The following NRG1 variants were observed in gnomAD, a reference collection of about 807,000 sequenced individuals.
NRG1 encodes neuregulin 1, also known as pro-neuregulin-1, membrane-bound isoform.
Under a neutral mutation model 63.8 loss-of-function variants are expected in NRG1, and 18 were observed. The observed-to-expected ratio is 0.28, with a 90% CI of 0.19 to 0.42. The LOEUF is 0.42. Ranked by LOEUF, NRG1 falls within the 10% of genes least tolerant of loss-of-function variation. The pLI, the probability that NRG1 is intolerant of heterozygous loss-of-function variation, is 1.00. For missense variants in NRG1, 762 were observed against 814.7 expected, an observed-to-expected ratio of 0.94 and a Z score of 0.79; for synonymous variants, 302 against 301.3, an observed-to-expected ratio of 1.00 and a Z score of -0.02.
intron 1 of NRG1, among the ~76,000 whole-genome samples, chr8:31,875,584 G>A (rs1043272915): frequency 2.0e-5 from 3 of 152,158 alleles, no homozygotes; most frequent in Non-Finnish European, 4.4e-5. Context: ...GATGCCTTCA[G>A]TGGGTTCTCT....
At chr8:32,139,895 G>A (rs1289861961) in intron 1 of NRG1, among the ~76,000 whole-genome samples, 2 of 152,186 alleles carry the variant, frequency 1.3e-5, no homozygotes, top group Non-Finnish European at 2.9e-5. Flanking sequence ...TCTGAAAGAG[G>A]TTCCTAATTA....
intron 7 of NRG1, among the ~76,000 whole-genome samples, chr8:32,746,055 G>A (rs1827370692): frequency 6.6e-6 from 1 of 152,096 alleles, no homozygotes; most frequent in Admixed American, 6.6e-5. Flanking sequence ...AAGTAGAATA[G>A]AGGAACACTT....
intron 5 of NRG1, among the ~76,000 whole-genome samples, chr8:32,656,450 GC>G (rs1207800510): frequency 6.6e-6 from 1 of 152,146 alleles, no homozygotes; most frequent in African/African-American, 2.4e-5. Context: ...AAGGGAAGAA[GC>G]CAGTGCTGTT....
At chr8:32,763,776 C>T (rs766253547) in exon 12 of NRG1, 46 of 1,565,570 alleles carry the variant, frequency 2.9e-5, no homozygotes, top group South Asian at 3.6e-5. Flanking sequence ...CACCCCGGCT[C>T]GTATGTCACC....
intron 1 of NRG1, among the ~76,000 whole-genome samples, chr8:31,937,915 G>C (rs1244014053): frequency 3.9e-5 from 6 of 152,140 alleles, no homozygotes; most frequent in African/African-American, 7.2e-5. Context: ...GCCTCCACCT[G>C]GTGGTCTTTC....
chr8:32,603,682 G>T (rs1208338823), intron 2 of NRG1, among the ~76,000 whole-genome samples: 1 of 152,052 alleles, frequency 6.6e-6, no homozygotes, highest in Non-Finnish European at 1.5e-5. Context: ...TCACTATTTT[G>T]GCCAGGCTTG....
intron 5 of NRG1, among the ~76,000 whole-genome samples, chr8:32,652,573 A>G (rs1489227246): frequency 5.3e-5 from 8 of 151,440 alleles, no homozygotes; most frequent in Admixed American, 5.3e-4. Flanking sequence ...TCAGTATTTC[A>G]TTGCATCATA....
At chr8:31,916,197 AT>A (rs1438141524) in intron 1 of NRG1, among the ~76,000 whole-genome samples, 2 of 151,758 alleles carry the variant, frequency 1.3e-5, no homozygotes, top group African/African-American at 4.8e-5. Context: ...ATTTTAGACC[AT>A]TTTTTTCATT....
intron 1 of NRG1, among the ~76,000 whole-genome samples, chr8:32,243,673 T>A (rs1848341478): frequency 6.6e-6 from 1 of 152,108 alleles, no homozygotes; most frequent in Non-Finnish European, 1.5e-5. Flanking sequence ...TGGACTAAAC[T>A]TTTGTATGCC....
At chr8:32,368,191 T>G (rs1338362820) in intron 1 of NRG1, among the ~76,000 whole-genome samples, 1 of 152,228 alleles carries the variant, frequency 6.6e-6, no homozygotes, top group East Asian at 1.9e-4. Flanking sequence ...AAAGTTTATA[T>G]TAGCTTACTA....
chr8:32,487,846 A>T (rs1015908183), intron 1 of NRG1, among the ~76,000 whole-genome samples: 1 of 152,204 alleles, frequency 6.6e-6, no homozygotes, highest in Non-Finnish European at 1.5e-5. Flanking sequence ...CGGAGTCAGA[A>T]CTAAGAATGC....
chr8:32,231,376 T>A (rs1314892585), intron 1 of NRG1, among the ~76,000 whole-genome samples: 1 of 152,158 alleles, frequency 6.6e-6, no homozygotes, highest in Non-Finnish European at 1.5e-5. Context: ...ATGTATTTTG[T>A]TAATTGATAG....
chr8:31,667,686 T>C (rs1806693304), intron 1 of NRG1, among the ~76,000 whole-genome samples: 2 of 152,130 alleles, frequency 1.3e-5, no homozygotes. Flanking sequence ...TGTCTGCCAT[T>C]TCAGAGACTC....
At chr8:31,947,168 C>T (rs1243328862) in intron 1 of NRG1, among the ~76,000 whole-genome samples, 2 of 151,580 alleles carry the variant, frequency 1.3e-5, no homozygotes, top group East Asian at 1.9e-4. Context: ...GGCGCGGTGG[C>T]GGGCGCCTGT....
At chr8:32,187,280 C>T (rs534862056) in intron 1 of NRG1, among the ~76,000 whole-genome samples, 3 of 152,192 alleles carry the variant, frequency 2.0e-5, no homozygotes, top group South Asian at 4.2e-4. Flanking sequence ...TTTGCCTGCC[C>T]ACCAATGCTG....
chr8:32,009,507 A>C (rs1447810590), intron 1 of NRG1, among the ~76,000 whole-genome samples: 1 of 152,022 alleles, frequency 6.6e-6, no homozygotes, highest in African/African-American at 2.4e-5. Context: ...GGAAATAAAT[A>C]AGTATATAAT....
chr8:32,443,677 C>T (rs1333222640), intron 1 of NRG1, among the ~76,000 whole-genome samples: 1 of 152,162 alleles, frequency 6.6e-6, no homozygotes, highest in Non-Finnish European at 1.5e-5. Context: ...GGCTGATGTG[C>T]ATTTTTCTCC....
intron 1 of NRG1, among the ~76,000 whole-genome samples, chr8:31,896,564 C>T (rs73578539): frequency 0.034 from 5,099 of 152,204 alleles, 269 homozygotes; most frequent in African/African-American, 0.12. Context: ...TTGTCTGGAG[C>T]GTTAGTGTTC....
chr8:32,055,705 C>A (rs1444905553), intron 1 of NRG1, among the ~76,000 whole-genome samples: 1 of 139,288 alleles, frequency 7.2e-6, no homozygotes. Flanking sequence ...TAGCTGTGTT[C>A]TTACTCACCA....
Sources: gnomAD v4.1 joint callset for allele counts (sites outside exome capture counted in the v4.1 genomes callset) on GRCh38, gnomAD v4.1.1 for gene constraint, MANE v1.5 for transcripts, NCBI Gene and HGNC (gene_info 2026-07-23, HGNC 2026-07-21) for gene names.